Variants in ARPP21 observed in about 807,000 individuals in gnomAD.
ARPP21 encodes cAMP-regulated phosphoprotein 21.
In ARPP21, 69 loss-of-function variants were observed where a neutral mutation model predicts 113.2. The ratio of observed to expected loss-of-function variants is 0.61; its 90% confidence interval spans 0.50 to 0.74. ARPP21 has a LOEUF of 0.74. Ranked by LOEUF, ARPP21 falls within the 30% of genes least tolerant of loss-of-function variation. ARPP21 has a pLI of 0.00. For missense variants in ARPP21, 1,070 were observed against 1,037.4 expected (o/e 1.03, Z -0.43); for synonymous variants, 368 against 375.5 (o/e 0.98, Z 0.23).
At chr3:35,696,431 A>G (rs2084046160) in intron 9 of ARPP21, among the ~76,000 whole-genome samples, 1 of 151,532 alleles carries the variant, frequency 6.6e-6, no homozygotes, top group Non-Finnish European at 1.5e-5. Flanking sequence ...TGTGACCAGT[A>G]GCCTCCAACT....
chr3:35,644,706 A>G (rs547760739), intron 1 of ARPP21, among the ~76,000 whole-genome samples: 1 of 152,124 alleles, frequency 6.6e-6, no homozygotes, highest in Non-Finnish European at 1.5e-5. Flanking sequence ...GTTTGAATGC[A>G]TCGAATTGCT....
intron 1 of ARPP21, among the ~76,000 whole-genome samples, chr3:35,675,708 T>C (rs73059205): frequency 0.11 from 16,799 of 151,932 alleles, 976 homozygotes; most frequent in Non-Finnish European, 0.13. Flanking sequence ...CTCTGAACAT[T>C]GCATTTTCTC....
In ARPP21 at chr3:35,687,204, G is replaced by A. The variant is rs1178742069; in HGVS notation, c.262-535G>A. Among the ~76,000 whole-genome samples, 4 of 151,306 alleles carry A rather than the reference G, an allele frequency of 2.6e-5. No homozygotes were observed. In the East Asian group the frequency reaches 5.9e-4, roughly 22 times the overall value. Reference sequence around the variant, plus strand: ...CAATTCTATAGTCTGCTTTTTCATAGTAGTAGAAATCATTGTTGACCTGGG... The same window carrying A: ...CAATTCTATAGTCTGCTTTTTCATAATAGTAGAAATCATTGTTGACCTGGG... On this transcript the variant is annotated intron_variant, in intron 5 of 20. Transcript: ENST00000684406.
intron 19 of ARPP21, among the ~76,000 whole-genome samples, chr3:35,790,148 T>C (rs2096719401): frequency 6.6e-6 from 1 of 152,212 alleles, no homozygotes; most frequent in South Asian, 2.1e-4. Flanking sequence ...TTTCAGTGTA[T>C]AAACAAATAT....
intron 19 of ARPP21, among the ~76,000 whole-genome samples, chr3:35,779,845 C>G (rs995618325): frequency 1.3e-5 from 2 of 152,178 alleles, no homozygotes. Flanking sequence ...CCTTTTCTCA[C>G]TCCTCCTTTT....
At chr3:35,651,621 T>C (rs1032487268) in intron 1 of ARPP21, 1 of 152,062 alleles carries the variant, frequency 6.6e-6, no homozygotes, top group Non-Finnish European at 1.5e-5. Flanking sequence ...CTCTGCAACT[T>C]AGTAGAAAGT....
At chr3:35,698,889 C>T (rs73059232) in intron 9 of ARPP21, among the ~76,000 whole-genome samples, 60 of 151,656 alleles carry the variant, frequency 4.0e-4, no homozygotes, top group Non-Finnish European at 7.7e-4. Flanking sequence ...CCAGAATCAC[C>T]GGACACACTG....
At chr3:35,662,176 T>G (rs1708131406) in intron 1 of ARPP21, among the ~76,000 whole-genome samples, 1 of 152,210 alleles carries the variant, frequency 6.6e-6, no homozygotes, top group Non-Finnish European at 1.5e-5. Flanking sequence ...ATTAAATATG[T>G]GGTCCCATAT....
intron 13 of ARPP21, among the ~76,000 whole-genome samples, chr3:35,718,018 A>G (rs1428350587): frequency 6.6e-6 from 1 of 152,160 alleles, no homozygotes; most frequent in Non-Finnish European, 1.5e-5. Context: ...CTATAAGTAT[A>G]CTCAGTATCC....
Position 35,708,981 on chromosome 3 carries a change from C to A in ARPP21, c.808C>A (p.His270Asn). The part of the protein sequence containing the change: ...DKEDNQQNRM[H>N]PFRDDRRSKS... Reference sequence around the variant, plus strand: ...TTTTTCTGTTCAGCAAAACAGAATGCATCCATTTAGAGATGACAGACGAAG... The same window carrying A: ...TTTTTCTGTTCAGCAAAACAGAATGAATCCATTTAGAGATGACAGACGAAG... Residue 270 changes from histidine to asparagine, a missense_variant, in exon 11 of 21, where the codon CAT becomes AAT. By Grantham distance (68) the His-to-Asn change is moderately conservative. Coordinates refer to ENST00000684406, the MANE Select transcript of ARPP21 (RefSeq NM_001385562.1). 1 of 1,612,908 alleles carries A rather than the reference C, an allele frequency of 6.2e-7. No homozygotes were observed. Among genetic ancestry groups the A allele is most frequent in the Non-Finnish European group, 8.5e-7 (1 of 1,179,140 alleles).
chr3:35,654,460 G>A (rs1226349200), intron 1 of ARPP21, among the ~76,000 whole-genome samples: 1 of 152,050 alleles, frequency 6.6e-6, no homozygotes, highest in African/African-American at 2.4e-5. Flanking sequence ...ACAAAGGTAT[G>A]GAATTTACCG....
intron 11 of ARPP21, among the ~76,000 whole-genome samples, chr3:35,712,514 CTGTGTGTGTGTGTGTGTG>C (rs10579469): frequency 6.0e-5 from 8 of 132,932 alleles, no homozygotes; most frequent in Middle Eastern, 7.5e-3. Context: ...TCTAAGGTGT[CTGTGTGTGTGTGTGTGTG>C]TGTGTGTGTG....
intron 1 of ARPP21, among the ~76,000 whole-genome samples, chr3:35,670,009 C>T (rs1473171184): frequency 6.6e-6 from 1 of 152,116 alleles, no homozygotes; most frequent in African/African-American, 2.4e-5. Flanking sequence ...CTGTGACCCT[C>T]CAAAATATCA....
At chr3:35,689,069 T>C (rs1448259874) in intron 6 of ARPP21, among the ~76,000 whole-genome samples, 2 of 151,552 alleles carry the variant, frequency 1.3e-5, no homozygotes, top group Non-Finnish European at 3.0e-5. Context: ...CCACTTCCCC[T>C]CCTATGACAT....
In ARPP21 at chr3:35,640,416, C is replaced by G. The variant is rs553029506; in HGVS notation, c.-213+18C>G. On this transcript the variant is annotated intron_variant, in intron 1 of 20. Transcript: ENST00000684406. Reference sequence around the variant, plus strand: ...CGATCAAGGTAATAATCAAGGTCTTCCGACGTGAACATTGCACGCCTTTTG... The same window carrying G: ...CGATCAAGGTAATAATCAAGGTCTTGCGACGTGAACATTGCACGCCTTTTG... 6.6e-6 allele frequency: 1 copy of G among 152,354 alleles called. No homozygotes were observed. The highest frequency in any genetic ancestry group is 2.1e-4 in the South Asian group (1 of 4,822). 9.4% of individuals were successfully genotyped at this position (152,354 alleles called of 1,614,324 possible). A position where few individuals can be genotyped will look rare whatever the true frequency, so the allele number is the denominator to read the frequency against.
intron 11 of ARPP21, among the ~76,000 whole-genome samples, chr3:35,712,002 G>A (rs775831081): frequency 2.0e-5 from 3 of 152,242 alleles, no homozygotes; most frequent in Non-Finnish European, 4.4e-5. Context: ...AAAAGGCAGG[G>A]ATCATTGGGG....
chr3:35,719,405 G>A (rs2092823288), intron 13 of ARPP21, among the ~76,000 whole-genome samples: 1 of 152,186 alleles, frequency 6.6e-6, no homozygotes, highest in Non-Finnish European at 1.5e-5. Context: ...ATCTGAGCTA[G>A]TGAGGTAGAG....
intron 14 of ARPP21, among the ~76,000 whole-genome samples, chr3:35,723,993 T>C (rs897542775): frequency 6.6e-6 from 1 of 152,214 alleles, no homozygotes; most frequent in African/African-American, 2.4e-5. Context: ...TTTCAGTTTT[T>C]TACCTAATTG....
chr3:35,722,204 G>A (rs542627531), intron 14 of ARPP21, among the ~76,000 whole-genome samples: 1 of 152,196 alleles, frequency 6.6e-6, no homozygotes, highest in Admixed American at 6.5e-5. Flanking sequence ...GATTACCATG[G>A]CACCTGCATT....
Sources: allele counts gnomAD v4.1 joint callset (sites outside exome capture counted in the v4.1 genomes callset), GRCh38; gene constraint gnomAD v4.1.1; transcripts MANE v1.5; gene names NCBI Gene and HGNC (gene_info 2026-07-23, HGNC 2026-07-21).